Variants in DIAPH2 observed in about 807,000 individuals in gnomAD.
DIAPH2 encodes diaphanous related formin 2.
DIAPH2 carries 35 observed loss-of-function variants against 92.7 expected under a neutral mutation model. The ratio of observed to expected loss-of-function variants is 0.38; its 90% confidence interval spans 0.29 to 0.50. The LOEUF (loss-of-function observed/expected upper bound fraction) is 0.50, where lower values mean the gene tolerates loss of function less well. Ranked by LOEUF, DIAPH2 falls within the 20% of genes least tolerant of loss-of-function variation. The pLI is 0.94. For missense variants in DIAPH2, 701 were observed against 819.5 expected (o/e 0.86, Z 1.77); for synonymous variants, 301 against 280.4 (o/e 1.07, Z -0.73).
chrX:97,552,843 T>A (rs768787809), intron 26 of DIAPH2, among the ~76,000 whole-genome samples: 17 of 111,977 alleles, frequency 1.5e-4, no homozygotes, highest in Admixed American at 6.6e-4. Flanking sequence ...CTGGATAAAT[T>A]AATTTCCTCA....
chrX:97,336,356 C>T (rs1429730956), intron 23 of DIAPH2, among the ~76,000 whole-genome samples: 2 of 107,738 alleles, frequency 1.9e-5, no homozygotes, highest in Non-Finnish European at 3.8e-5. Context: ...GCCGGTTCTC[C>T]TGCCTCAGCC....
chrX:96,973,009 G>C (rs1248669444), intron 17 of DIAPH2, among the ~76,000 whole-genome samples: 3 of 110,684 alleles, frequency 2.7e-5, no homozygotes, highest in East Asian at 2.9e-4. Flanking sequence ...TCTCATTTGG[G>C]CGTGGTGTGA....
intron 19 of DIAPH2, among the ~76,000 whole-genome samples, chrX:97,086,908 G>A (rs140720441): frequency 0.012 from 1,379 of 110,489 alleles, 20 homozygotes; most frequent in African/African-American, 0.043. Flanking sequence ...GTGGGCGAGC[G>A]GGTTGGGGAG....
chrX:97,198,265 TACACACACACACACACAC>T (rs200339851), intron 22 of DIAPH2, among the ~76,000 whole-genome samples: 1 of 89,041 alleles, frequency 1.1e-5, no homozygotes, highest in East Asian at 3.5e-4. Context: ...AACAACAAAA[TACACACACACACACACAC>T]ACACACACAC....
chrX:97,488,680 C>T (rs760041632), intron 26 of DIAPH2, among the ~76,000 whole-genome samples: 19 of 111,805 alleles, frequency 1.7e-4, no homozygotes, highest in Non-Finnish European at 3.2e-4. Flanking sequence ...ATCCAATTTT[C>T]CCACTACCAT....
intron 24 of DIAPH2, among the ~76,000 whole-genome samples, chrX:97,364,768 T>TG (rs1390112572): frequency 2.8e-5 from 3 of 106,139 alleles, no homozygotes; most frequent in African/African-American, 1.0e-4. Flanking sequence ...TGTTTTTTTT[T>TG]TTTTTTTTTT....
intron 22 of DIAPH2, among the ~76,000 whole-genome samples, chrX:97,212,065 G>A (rs2067844659): frequency 8.9e-6 from 1 of 111,846 alleles, no homozygotes; most frequent in Admixed American, 9.5e-5. Flanking sequence ...ATTTCAATAT[G>A]TATTTTGCTA....
At chrX:97,468,894 A>G (rs2070538076) in intron 26 of DIAPH2, among the ~76,000 whole-genome samples, 1 of 111,718 alleles carries the variant, frequency 9.0e-6, no homozygotes. Context: ...ACCAAGATAA[A>G]CAGTATAGCT....
intron 26 of DIAPH2, among the ~76,000 whole-genome samples, chrX:97,587,459 G>T (rs1263088134): frequency 9.0e-6 from 1 of 111,398 alleles, no homozygotes; most frequent in African/African-American, 3.3e-5. Flanking sequence ...ATGACAATAA[G>T]AAAAATAAGT....
intron 4 of DIAPH2, among the ~76,000 whole-genome samples, chrX:96,856,897 G>T (rs1467297451): frequency 9.1e-6 from 1 of 110,290 alleles, no homozygotes; most frequent in Admixed American, 9.8e-5. Flanking sequence ...AAATTAGCTG[G>T]ACGTGTTGGC....
chrX:97,108,022 G>A (rs1423176001), intron 20 of DIAPH2, among the ~76,000 whole-genome samples: 2 of 108,307 alleles, frequency 1.8e-5, no homozygotes, highest in Non-Finnish European at 3.8e-5. Flanking sequence ...CGGTGGATTC[G>A]TAGGTTAGTT....
At chrX:97,526,829 C>T (rs140843411) in intron 26 of DIAPH2, among the ~76,000 whole-genome samples, 209 of 111,914 alleles carry the variant, frequency 1.9e-3, no homozygotes, top group African/African-American at 6.7e-3. Context: ...TCTGCTTTTC[C>T]GTTTGGTATT....
At chrX:97,185,327 G>GTA (rs1262703134) in intron 22 of DIAPH2, among the ~76,000 whole-genome samples, 1 of 3,879 alleles carries the variant, frequency 2.6e-4, no homozygotes, top group East Asian at 8.3e-3. Context: ...ATATATATGT[G>GTA]TATATATATA....
chrX:97,462,369 C>T (rs1192637340), intron 26 of DIAPH2, among the ~76,000 whole-genome samples: 2 of 111,914 alleles, frequency 1.8e-5, no homozygotes, highest in African/African-American at 6.5e-5. Context: ...TCCAAATTCT[C>T]ATTCAGTTCA....
At chrX:97,211,439 A>T (rs2067839594) in intron 22 of DIAPH2, among the ~76,000 whole-genome samples, 1 of 111,500 alleles carries the variant, frequency 9.0e-6, no homozygotes, top group Non-Finnish European at 1.9e-5. Context: ...ATAGATTGGT[A>T]TAGGCGGGAG....
At chrX:97,373,355 G>A (rs948294177) in intron 24 of DIAPH2, among the ~76,000 whole-genome samples, 3 of 109,648 alleles carry the variant, frequency 2.7e-5, no homozygotes, top group African/African-American at 1.0e-4. Context: ...GTGTAGAGAC[G>A]TTCTCGGTAA....
intron 5 of DIAPH2, among the ~76,000 whole-genome samples, chrX:96,902,055 T>C (rs1476836538): frequency 8.9e-6 from 1 of 112,021 alleles, no homozygotes; most frequent in African/African-American, 3.2e-5. Flanking sequence ...CAAAAATCAT[T>C]CAAAACCAGA....
chrX:97,321,434 A>C (rs915917233), intron 23 of DIAPH2, among the ~76,000 whole-genome samples: 19 of 110,975 alleles, frequency 1.7e-4, no homozygotes, highest in Admixed American at 1.9e-4. Context: ...CAAAATAAGT[A>C]ATATAAATTA....
At chrX:97,358,359 G>C (rs2069288693) in intron 24 of DIAPH2, among the ~76,000 whole-genome samples, 1 of 111,477 alleles carries the variant, frequency 9.0e-6, no homozygotes, top group Admixed American at 9.6e-5. Context: ...CTGGCATCAA[G>C]TGGCTGAAAC....
Sources: allele counts gnomAD v4.1 joint callset (sites outside exome capture counted in the v4.1 genomes callset), GRCh38; gene constraint gnomAD v4.1.1; transcripts MANE v1.5; gene names NCBI Gene and HGNC (gene_info 2026-07-23, HGNC 2026-07-21).